Variants in ARHGEF10L observed in about 807,000 individuals in gnomAD.
ARHGEF10L encodes the protein Rho guanine nucleotide exchange factor 10 like.
ARHGEF10L carries 69 observed loss-of-function variants against 141.2 expected under a neutral mutation model. That is an observed-to-expected ratio of 0.49 (90% CI 0.40 to 0.60). ARHGEF10L has a LOEUF of 0.60. ARHGEF10L is among the 20% of genes least tolerant of loss of function. The pLI is 0.00. For synonymous variants in ARHGEF10L, 711 were observed against 718.5 expected (o/e 0.99, Z 0.17); for missense variants, 1,482 against 1,734.3 (o/e 0.85, Z 2.58).
chr1:17,656,558 C>A lies in ARHGEF10L; in HGVS notation c.2710C>A (p.Leu904Ile). Residue 904 changes from leucine to isoleucine, a missense_variant, in exon 25 of 29, where the codon CTC (leucine) becomes ATC (isoleucine). Physicochemically the swap from Leu to Ile is conservative, Grantham distance 5. Coordinates refer to ENST00000361221, the MANE Select transcript of ARHGEF10L (RefSeq NM_018125.4). The surrounding 1 kb of genome is among the most constrained non-coding windows in gnomAD (Gnocchi z 4.9). ...TTCTCCAACCTCTCCCCGCAGCATC[C>A]TCCTCTACAGCAGTGTGGACACTGG... is the stretch of plus-strand genomic sequence containing the variant. ...ICLGLQDGSILLYSSVDTGTQ... is the reference protein window; with the variant it reads ...ICLGLQDGSIILYSSVDTGTQ... The A allele has an allele frequency of 6.2e-7, 1 of 1,610,484 alleles. No individual in the cohort carries two copies. The highest frequency in any genetic ancestry group is 1.1e-5 in the South Asian group (1 of 90,888).
In ARHGEF10L at chr1:17,623,101, T is replaced by G. The variant is rs1396748285; in HGVS notation, c.1126T>G (p.Phe376Val). The G allele has an allele frequency of 6.2e-7, 1 of 1,613,994 alleles. No individual in the cohort carries two copies. Among genetic ancestry groups the G allele is most frequent in the Non-Finnish European group, 8.5e-7 (1 of 1,180,000 alleles). Residue 376 changes from phenylalanine (F) to valine (V), a missense_variant, in exon 12 of 29, where the codon TTC becomes GTC. Transcript: ENST00000361221. This position sits in a 1 kb window ranked among gnomAD's most constrained non-coding sequence, Gnocchi z 4.7. ...GGAGATCCTGCACTGCCACTCCATG[T>G]TCCAGATCGCCCTGTCCTCCCGCGT... is the stretch of plus-strand genomic sequence containing the variant. The part of the protein sequence containing the change: ...VKEILHCHSM[F>V]QIALSSRVAE...
Position 17,627,293 on chromosome 1 carries a change from A to G in ARHGEF10L, c.1411-37A>G, listed in dbSNP as rs375033937. The G allele has an allele frequency of 4.2e-5, 67 of 1,599,800 alleles. No individual in the cohort carries two copies. Among genetic ancestry groups the G allele is most frequent in the Non-Finnish European group, 5.4e-5 (63 of 1,170,040 alleles). The stretch of plus-strand genomic sequence containing the variant: ...GCCCCAGGCTGGGGTAGAGTTGGTC[A>G]TGGGTGGGCTGCTCAGTCTCTGCTC... On this transcript the variant is annotated intron_variant, in intron 14 of 28. Transcript: ENST00000361221. The surrounding 1 kb of genome is among the most constrained non-coding windows in gnomAD (Gnocchi z 4.0).
chr1:17,532,367 C>T, the ARHGEF10L span, among the ~76,000 whole-genome samples: 1 of 152,100 alleles, frequency 6.6e-6, no homozygotes, highest in African/African-American at 2.4e-5. Context: ...TTGGCCAGGC[C>T]CCAAGCTGAG....
chr1:17,635,039 C>G, intron 18 of ARHGEF10L, 23 bp downstream of exon 18: 1 of 1,613,052 alleles, frequency 6.2e-7, no homozygotes, highest in Non-Finnish European at 8.5e-7. Flanking sequence ...TCTCTGTGCC[C>G]TGCGTTCGTC....
intron 2 of ARHGEF10L, among the ~76,000 whole-genome samples, chr1:17,586,917 C>T (rs1028667445): frequency 1.3e-5 from 2 of 152,162 alleles, no homozygotes; most frequent in Non-Finnish European, 2.9e-5. Context: ...GAGCTTGGTG[C>T]CTTCCCCTGC....
intron 1 of ARHGEF10L, among the ~76,000 whole-genome samples, chr1:17,547,838 T>G (rs1211291460): frequency 6.6e-6 from 1 of 152,192 alleles, no homozygotes; most frequent in Non-Finnish European, 1.5e-5. Context: ...TGCATATCAT[T>G]CATGTATTCA....
intron 1 of ARHGEF10L, among the ~76,000 whole-genome samples, chr1:17,557,003 G>A (rs1306525118): frequency 1.4e-5 from 2 of 146,426 alleles, no homozygotes; most frequent in Non-Finnish European, 3.0e-5. Flanking sequence ...CTGCCCTCCA[G>A]TTCGGACAAC....
Position 17,685,155 on chromosome 1 carries a change from C to T in ARHGEF10L, c.3010-2418C>T, listed in dbSNP as rs142204198. Among the ~76,000 whole-genome samples the T allele has an allele frequency of 2.6e-5, 4 of 152,314 alleles. No individual in the cohort carries two copies. The East Asian group carries it at 5.8e-4, about 22-fold the overall frequency. On this transcript the variant is annotated intron_variant, in intron 26 of 28. Coordinates refer to ENST00000361221, the MANE Select transcript of ARHGEF10L (RefSeq NM_018125.4). ...CCTCCCTCTCCACTTGCTAAGCCCA[C>T]GCGAGGTCTTCGGGGGCTGGACAAA...
intron 26 of ARHGEF10L, among the ~76,000 whole-genome samples, chr1:17,665,084 G>A (rs2102185002): frequency 6.6e-6 from 1 of 152,280 alleles, no homozygotes; most frequent in African/African-American, 2.4e-5. Flanking sequence ...GCTCATCCCT[G>A]GCTCAGCCTA....
chr1:17,582,969 A>G (rs980365268), intron 2 of ARHGEF10L, among the ~76,000 whole-genome samples: 12 of 151,770 alleles, frequency 7.9e-5, no homozygotes, highest in African/African-American at 2.7e-4. Context: ...GCTCATGCCT[A>G]TAATCCTAGC....
chr1:17,633,403 G>A (rs910962541), intron 16 of ARHGEF10L, among the ~76,000 whole-genome samples: 1 of 152,190 alleles, frequency 6.6e-6, no homozygotes, highest in African/African-American at 2.4e-5. Flanking sequence ...GAGTGCAATG[G>A]CATGATCTCG....
intron 26 of ARHGEF10L, among the ~76,000 whole-genome samples, chr1:17,683,325 C>T (rs939983769): frequency 2.7e-5 from 3 of 110,560 alleles, no homozygotes; most frequent in African/African-American, 7.3e-5. Context: ...GTGCTCACTG[C>T]CCCCTGCTCT....
At chr1:17,628,898 A>G (rs2060525061) in intron 15 of ARHGEF10L, among the ~76,000 whole-genome samples, 1 of 152,216 alleles carries the variant, frequency 6.6e-6, no homozygotes, top group South Asian at 2.1e-4. Flanking sequence ...GGGCAGGGAC[A>G]AGGCCTCCTG....
intron 1 of ARHGEF10L, among the ~76,000 whole-genome samples, chr1:17,550,029 G>C (rs1434456207): frequency 6.6e-6 from 1 of 152,222 alleles, no homozygotes; most frequent in Non-Finnish European, 1.5e-5. Context: ...AGGAGAACTG[G>C]CTGTAGAGAG....
At chr1:17,660,113 G>A (rs2062522892) in intron 25 of ARHGEF10L, among the ~76,000 whole-genome samples, 1 of 152,230 alleles carries the variant, frequency 6.6e-6, no homozygotes, top group Non-Finnish European at 1.5e-5. Flanking sequence ...GGGTGCTGGG[G>A]CCCGGAGCTG....
rs371307804 is a variant in ARHGEF10L, at chr1:17,603,046, G to A, written c.350-462G>A. Among the ~76,000 whole-genome samples the A allele has an allele frequency of 7.0e-4, 106 of 152,040 alleles. 1 individual carries two copies. The East Asian group carries it at 0.016, about 23-fold the overall frequency. ...GAAGCATCACAGGCCAGTGGGTCTC[G>A]TGACTTCTTCCTGGAAGGCCTGTGG... On this transcript the variant is annotated intron_variant, in intron 5 of 28. Coordinates refer to ENST00000361221, the MANE Select transcript of ARHGEF10L (RefSeq NM_018125.4). The surrounding 1 kb of genome is among the most constrained non-coding windows in gnomAD (Gnocchi z 4.8).
chr1:17,603,329 G>C lies in ARHGEF10L; in HGVS notation c.350-179G>C, dbSNP rs796909178. On this transcript the variant is annotated intron_variant, in intron 5 of 28. Transcript: ENST00000361221. This position sits in a 1 kb window ranked among gnomAD's most constrained non-coding sequence, Gnocchi z 4.8. ...CGCCTTGGAGGGGGTGGGGGGCGGG[G>C]AGAAGCGAGGGAGCCGGCATCCCCT... is the stretch of plus-strand genomic sequence containing the variant. 2.0e-5 allele frequency among the ~76,000 whole-genome samples: 2 copies of C among 99,818 alleles called. No homozygotes were observed. Among genetic ancestry groups the C allele is most frequent in the African/African-American group, 7.7e-5 (2 of 26,118 alleles). 65.5% of individuals were successfully genotyped at this position (99,818 alleles called of 152,430 possible).
chr1:17,656,134 C>G lies in ARHGEF10L; in HGVS notation c.2705+32C>G. On this transcript the variant is annotated intron_variant, in intron 24 of 28. Coordinates refer to ENST00000361221, the MANE Select transcript of ARHGEF10L (RefSeq NM_018125.4). The surrounding 1 kb of genome is among the most constrained non-coding windows in gnomAD (Gnocchi z 4.9). Reference sequence around the variant, plus strand: ...GGCCCGGAAGGAGGGGTGAGAGCAGCCTCTGCAGGGCTGGGCAGTGGGTGG... The same window carrying G: ...GGCCCGGAAGGAGGGGTGAGAGCAGGCTCTGCAGGGCTGGGCAGTGGGTGG... 6.5e-7 allele frequency: 1 copy of G among 1,546,408 alleles called. No homozygotes were observed. The highest frequency in any genetic ancestry group is 8.7e-7 in the Non-Finnish European group (1 of 1,145,052).
At chr1:17,554,567 C>T (rs983575456) in intron 1 of ARHGEF10L, among the ~76,000 whole-genome samples, 1 of 151,030 alleles carries the variant, frequency 6.6e-6, no homozygotes. Flanking sequence ...CCCTCCCTCC[C>T]TCCTTTCCTT....
Sources: gnomAD v4.1 joint callset for allele counts (sites outside exome capture counted in the v4.1 genomes callset) on GRCh38, gnomAD v4.1.1 for gene constraint, Gnocchi (gnomAD v3.1) non-coding constraint, MANE v1.5 for transcripts, NCBI Gene and HGNC (gene_info 2026-07-23, HGNC 2026-07-21) for gene names.